The following SZT2 variants were observed in gnomAD, a reference collection of about 807,000 sequenced individuals.
SZT2 encodes SZT2 subunit of KICSTOR complex, also known as KICSTOR complex protein SZT2.
Under a neutral mutation model 404.2 loss-of-function variants are expected in SZT2, and 216 were observed. The observed-to-expected ratio is 0.53, with a 90% CI of 0.48 to 0.60. The LOEUF is 0.60. Ranked by LOEUF, SZT2 falls within the 20% of genes least tolerant of loss-of-function variation. SZT2 has a pLI of 0.00. For missense variants in SZT2, 3,857 were observed against 4,459.2 expected, an observed-to-expected ratio of 0.86 and a Z score of 3.85; for synonymous variants, 1,693 against 1,749.9, an observed-to-expected ratio of 0.97 and a Z score of 0.81.
intron 70 of SZT2, chr1:43,449,049 CT>C: frequency 3.3e-6 from 1 of 302,846 alleles, no homozygotes; most frequent in South Asian, 4.8e-5. Context: ...ACCCCTTGGA[CT>C]TTGAAGCCTT....
Position 43,428,336 on chromosome 1 carries a change from T to C in SZT2, c.4016T>C (p.Ile1339Thr). 1 of 1,614,112 alleles carries C rather than the reference T, an allele frequency of 6.2e-7. No homozygotes were observed. The highest frequency in any genetic ancestry group is 1.3e-5 in the African/African-American group (1 of 75,008). The change falls in exon 28 of 72, where the codon ATC (isoleucine) becomes ACC (threonine). Residue 1339 changes from isoleucine (I) to threonine (T), a missense_variant. Ile to Thr is a moderately conservative substitution (Grantham distance 89, BLOSUM62 -1). Around this residue, in one of 7 missense-constraint regions of SZT2, gnomAD observed 1,725 missense variants for 1,881.0 expected, o/e 0.92. Coordinates refer to ENST00000634258, the MANE Select transcript of SZT2 (RefSeq NM_001365999.1). ...GAGGAGCTACTACAAGAAATAGACA[T>C]CACCCCATTTCTCCTTGCATTGTGT... ...ACEELLQEID[I>T]TPFLLALCGH...
In SZT2 at chr1:43,442,649, T is replaced by A; in HGVS notation, c.8151+31T>A. 1 of 1,568,740 alleles carries A rather than the reference T, an allele frequency of 6.4e-7. No homozygotes were observed. Among genetic ancestry groups the A allele is most frequent in the African/African-American group, 1.4e-5 (1 of 74,062 alleles). ...TGCTGCTCTGGTTCTTCCTATAGTT[T>A]TGGCTACTGAGGGGTCAGTTAAAGG... On this transcript the variant is annotated intron_variant, in intron 58 of 71. Transcript: ENST00000634258. The surrounding 1 kb of genome is among the most constrained non-coding windows in gnomAD (Gnocchi z 4.5).
chr1:43,408,571 T>C (rs1410384124), intron 4 of SZT2, among the ~76,000 whole-genome samples: 2 of 152,212 alleles, frequency 1.3e-5, no homozygotes, highest in Non-Finnish European at 2.9e-5. Flanking sequence ...TAGCCTGTCC[T>C]GCCTTTTTTT....
intron 65 of SZT2, 52 bp downstream of exon 65, chr1:43,446,468 A>G (rs761348999): frequency 6.2e-7 from 1 of 1,608,522 alleles, no homozygotes; most frequent in East Asian, 2.2e-5. Flanking sequence ...TGCTGTGGGC[A>G]GCATGGCTCC....
chr1:43,453,068 G>A lies in SZT2; in HGVS notation c.*2588G>A, dbSNP rs1445092090. ...TTCTCTGATCCAGACAGGGTTAGGT[G>A]CCTACCCTGCTCCCACAGCTTCCTG... On this transcript the variant is annotated 3_prime_UTR_variant, in exon 72 of 72. Transcript: ENST00000634258. The A allele has an allele frequency of 1.0e-6, 1 of 956,890 alleles. No homozygotes were observed. The highest frequency in any genetic ancestry group is 1.7e-6 in the Non-Finnish European group (1 of 602,360). The allele number at this position is 956,890 out of a possible 1,614,324, so 59.3% of individuals were successfully genotyped here.
At position 43,452,156 on chromosome 1, in the gene SZT2, G is replaced by A. The variant is rs746651940; in HGVS notation, c.*1676G>A. 28 of 1,531,970 alleles carry A rather than the reference G, an allele frequency of 1.8e-5. No homozygotes were observed. Among genetic ancestry groups the A allele is most frequent in the African/African-American group, 9.6e-5 (7 of 73,026 alleles). The allele number at this position is 1,531,970 out of a possible 1,614,324, so 94.9% of individuals were successfully genotyped here. A position where few individuals can be genotyped will look rare whatever the true frequency, so the allele number is the denominator to read the frequency against. ...GTCCCCACTGTGCACCCCCTTCTCC[G>A]CACACCCACAGAGACATGTAAGTAC... On this transcript the variant is annotated 3_prime_UTR_variant, in exon 72 of 72. Coordinates refer to ENST00000634258, the MANE Select transcript of SZT2 (RefSeq NM_001365999.1).
rs1557591600 is a variant in SZT2 at position 43,441,766 on chromosome 1, CTGG to C, written c.7692_7694del (p.Val2565del). ...ATCCATCCTGTCTGAGTTCACCGCA[CTGG>C]TCACCTCAATGGCTGGAGACACCAG... On this transcript the variant is annotated inframe_deletion, in exon 55 of 72. Coordinates refer to ENST00000634258, the MANE Select transcript of SZT2 (RefSeq NM_001365999.1). This position sits in a 1 kb window ranked among gnomAD's most constrained non-coding sequence, Gnocchi z 4.8. The C allele has an allele frequency of 6.2e-7, 1 of 1,614,208 alleles. No individual in the cohort carries two copies.
chr1:43,403,616 G>A lies in SZT2; in HGVS notation c.169G>A (p.Glu57Lys), dbSNP rs985279114. ...TAATTTTCAGCTTCAGTCTGAACAG[G>A]AATTGGAAGTCCTCAGTGTCCTGCC... ...PQEMLLQSEQ[E>K]LEVLSVLPPG... Residue 57 changes from glutamate (E) to lysine (K), a missense_variant, in exon 3 of 72, where the codon GAA becomes AAA. Physicochemically the swap from Glu to Lys is moderately conservative, Grantham distance 56. Transcript: ENST00000634258. 7 of 1,613,302 alleles carry A rather than the reference G, an allele frequency of 4.3e-6. No homozygotes were observed. Among genetic ancestry groups the A allele is most frequent in the African/African-American group, 1.3e-5 (1 of 74,884 alleles).
At chr1:43,423,544 A>AGCGGG (rs1373879435) in intron 15 of SZT2, among the ~76,000 whole-genome samples, 1 of 147,012 alleles carries the variant, frequency 6.8e-6, no homozygotes, top group African/African-American at 2.6e-5. Context: ...GGCGTGGCTT[A>AGCGGG]GTGGGGTATG....
Position 43,423,094 on chromosome 1 carries a change from C to T in SZT2, c.2038-5C>T, listed in dbSNP as rs558436556. ...TAAGAGGATGTGACCACATTTTCCCCTCAGATTGTGTCAGGCTTGAGGGAA... is the reference window on the plus strand; with the variant it reads ...TAAGAGGATGTGACCACATTTTCCCTTCAGATTGTGTCAGGCTTGAGGGAA... On this transcript the variant is annotated splice_polypyrimidine_tract_variant and splice_region_variant and intron_variant, in intron 14 of 71. Transcript: ENST00000634258. 6.3e-6 allele frequency: 10 copies of T among 1,582,756 alleles called. No individual in the cohort carries two copies. Among genetic ancestry groups the T allele is most frequent in the South Asian group, 5.7e-5 (5 of 88,302 alleles).
chr1:43,425,643 G>C lies in SZT2; in HGVS notation c.2814+1G>C. 1 of 1,613,804 alleles carries C rather than the reference G, an allele frequency of 6.2e-7. No homozygotes were observed. The highest frequency in any genetic ancestry group is 8.5e-7 in the Non-Finnish European group (1 of 1,180,014). On this transcript the variant is annotated splice_donor_variant, in intron 19 of 71. Coordinates refer to ENST00000634258, the MANE Select transcript of SZT2 (RefSeq NM_001365999.1). LOFTEE classifies it high-confidence loss of function. The surrounding 1 kb of genome is among the most constrained non-coding windows in gnomAD (Gnocchi z 4.3). The stretch of plus-strand genomic sequence containing the variant: ...GACGTATTCTGAGATCCCGCAAGCT[G>C]TGAGTGTCCTCAGAACAGTACCCGC...
intron 1 of SZT2, among the ~76,000 whole-genome samples, chr1:43,402,736 A>C (rs543140595): frequency 3.9e-5 from 6 of 152,190 alleles, no homozygotes; most frequent in Non-Finnish European, 8.8e-5. Context: ...TCCTTCGGTG[A>C]AAATTTCTTC....
chr1:43,413,156 CT>C (rs1651280042), intron 4 of SZT2, among the ~76,000 whole-genome samples: 1 of 152,270 alleles, frequency 6.6e-6, no homozygotes, highest in Admixed American at 6.5e-5. Context: ...AATCCCAGCA[CT>C]TTGGGAGGCC....
chr1:43,443,446 C>A lies in SZT2; in HGVS notation c.8594C>A (p.Pro2865His). Residue 2865 changes from proline (P) to histidine (H), a missense_variant, in exon 61 of 72, where the codon CCC becomes CAC. By Grantham distance (77) the Pro-to-His change is moderately conservative. Coordinates refer to ENST00000634258, the MANE Select transcript of SZT2 (RefSeq NM_001365999.1). Reference protein sequence around the residue: ...LFDPAAWLHGPPETSGPPDGQ... With the variant: ...LFDPAAWLHGHPETSGPPDGQ... Reference sequence around the variant, plus strand: ...GACCCAGCTGCCTGGCTGCATGGGCCCCCAGAGACCTCTGGACCCCCTGAC... The same window carrying A: ...GACCCAGCTGCCTGGCTGCATGGGCACCCAGAGACCTCTGGACCCCCTGAC... 6.2e-7 allele frequency: 1 copy of A among 1,614,202 alleles called. No homozygotes were observed. The highest frequency in any genetic ancestry group is 8.5e-7 in the Non-Finnish European group (1 of 1,180,028).
At chr1:43,427,817 C>T in intron 26 of SZT2, 83 bp downstream of exon 26, 2 of 1,503,682 alleles carry the variant, frequency 1.3e-6, no homozygotes, top group African/African-American at 1.4e-5. Flanking sequence ...TAGGCGTGGG[C>T]AGGTAAGTTG....
At position 43,442,142 on chromosome 1, in the gene SZT2, G is replaced by GC; in HGVS notation, c.7873+15dup. ...ACCAACACAGCAGGGTGAGGGCATGGCCCGGGGGGGCGGGGGGCGGGTAGG... is the reference window on the plus strand; with the variant it reads ...ACCAACACAGCAGGGTGAGGGCATGGCCCCGGGGGGGCGGGGGGCGGGTAGG... On this transcript the variant is annotated intron_variant, in intron 56 of 71. Coordinates refer to ENST00000634258, the MANE Select transcript of SZT2 (RefSeq NM_001365999.1). This position sits in a 1 kb window ranked among gnomAD's most constrained non-coding sequence, Gnocchi z 4.5. The GC allele has an allele frequency of 9.9e-7, 1 of 1,007,310 alleles. No homozygotes were observed. Among genetic ancestry groups the GC allele is most frequent in the Non-Finnish European group, 1.4e-6 (1 of 693,170 alleles). 62.4% of individuals were successfully genotyped at this position (1,007,310 alleles called of 1,614,324 possible).
At position 43,429,704 on chromosome 1, in the gene SZT2, A is replaced by T; in HGVS notation, c.4168A>T (p.Ile1390Leu). The change falls in exon 29 of 72, where the codon ATA becomes TTA. Residue 1390 changes from isoleucine (I) to leucine (L), a missense_variant and splice_region_variant. Transcript: ENST00000634258. ...ERAILASESS[I>L]ETEDLSEPEF... ...AACATCCTTACCCCAACCATTCAGC[A>T]TAGAGACCGAGGACCTAAGCGAGCC... 6.2e-7 allele frequency: 1 copy of T among 1,614,216 alleles called. No individual in the cohort carries two copies. Among genetic ancestry groups the T allele is most frequent in the South Asian group, 1.1e-5 (1 of 91,090 alleles).
Position 43,435,200 on chromosome 1 carries a change from C to T in SZT2, c.5905C>T (p.Arg1969Ter), listed in dbSNP as rs764896693. 13 of 1,613,922 alleles carry T rather than the reference C, an allele frequency of 8.1e-6. No individual in the cohort carries two copies. Among genetic ancestry groups the T allele is most frequent in the East Asian group, 4.5e-5 (2 of 44,892 alleles). Residue 1969 changes from arginine (R) to a stop codon, truncating the protein, a stop_gained and splice_region_variant, in exon 42 of 72, where the codon CGA becomes TGA. Transcript: ENST00000634258. LOFTEE classifies it high-confidence loss of function. ...VGEICREVNQ[R>*]LLLQDLHDSH... ...CCTGACCTCATGCTCCTTCTCCCAG[C>T]GACTGCTTCTTCAAGACCTTCATGA...
chr1:43,442,860 C>T lies in SZT2; in HGVS notation c.8193C>T (p.Thr2731=). Residue 2731 remains threonine (T), a synonymous_variant, in exon 59 of 72, where the codon ACC becomes ACT. Coordinates refer to ENST00000634258, the MANE Select transcript of SZT2 (RefSeq NM_001365999.1). The surrounding 1 kb of genome is among the most constrained non-coding windows in gnomAD (Gnocchi z 4.5). ...TGCTGCCGACCATGGAAGTGGAGAC[C>T]CTCATCCGGAGTGCAAGTCCCCCGC... ...PFLLPTMEVE[T]LIRSASPPLS... 1 of 1,612,376 alleles carries T rather than the reference C, an allele frequency of 6.2e-7. No individual in the cohort carries two copies. Among genetic ancestry groups the T allele is most frequent in the Non-Finnish European group, 8.5e-7 (1 of 1,179,054 alleles).
Sources: gnomAD v4.1 joint callset for allele counts (sites outside exome capture counted in the v4.1 genomes callset) on GRCh38, gnomAD v4.1.1 for gene constraint, gnomAD v4.1.1 regional missense constraint, Gnocchi (gnomAD v3.1) non-coding constraint, MANE v1.5 for transcripts, NCBI Gene and HGNC (gene_info 2026-07-23, HGNC 2026-07-21) for gene names.